Variants in PRKN observed in about 807,000 individuals in gnomAD.
PRKN encodes the protein parkin RBR E3 ubiquitin protein ligase.
In PRKN, 56 loss-of-function variants were observed where a neutral mutation model predicts 59.5. The ratio of observed to expected loss-of-function variants is 0.94; its 90% CI spans 0.76 to 1.18. The LOEUF (loss-of-function observed/expected upper bound fraction) is 1.18, where lower values mean the gene tolerates loss of function less well. Among genes scored for constraint, PRKN ranks in the 50% most tolerant of loss-of-function variants. The pLI, the probability that PRKN is intolerant of heterozygous loss-of-function variation, is 0.00. For missense variants in PRKN, 657 were observed against 596.4 expected (o/e 1.10, Z -1.06); for synonymous variants, 250 against 222.1 (o/e 1.13, Z -1.12).
intron 6 of PRKN, among the ~76,000 whole-genome samples, chr6:161,791,018 T>C (rs3016556): frequency 0.89 from 135,507 of 152,114 alleles, 60,625 homozygotes; most frequent in East Asian, 0.95. Flanking sequence ...CTCTCATGGG[T>C]CTTTTGTTCC....
intron 1 of PRKN, among the ~76,000 whole-genome samples, chr6:162,638,195 TAATA>T (rs1777811192): frequency 1.1e-5 from 1 of 91,580 alleles, no homozygotes; most frequent in African/African-American, 6.1e-5. Flanking sequence ...TGTAAGACAA[TAATA>T]TTATCCCTAT....
At chr6:162,072,363 T>C (rs1778615646) in intron 4 of PRKN, among the ~76,000 whole-genome samples, 1 of 152,174 alleles carries the variant, frequency 6.6e-6, no homozygotes, top group Non-Finnish European at 1.5e-5. Flanking sequence ...CCTCGACTTC[T>C]GAGAGAGCTG....
intron 1 of PRKN, among the ~76,000 whole-genome samples, chr6:162,700,696 T>G (rs1778122248): frequency 1.3e-5 from 2 of 152,114 alleles, no homozygotes; most frequent in African/African-American, 4.8e-5. Flanking sequence ...CTGATAAGCT[T>G]ATGAATCTCT....
At position 161,554,620 on chromosome 6, in the gene PRKN, A is replaced by G. The variant is rs554268653; in HGVS notation, c.934-5617T>C. Among the ~76,000 whole-genome samples the G allele has an allele frequency of 2.0e-4, 30 of 152,050 alleles. No individual in the cohort carries two copies. The highest frequency in any genetic ancestry group is 7.2e-4 in the African/African-American group (30 of 41,506). ...GATAATGAGTTTGGCTGCATAAAAA[A>G]TCTTTATATTATACATAAAAAGAAT... is the stretch of plus-strand genomic sequence containing the variant. On this transcript the variant is annotated intron_variant, in intron 8 of 11. Transcript: ENST00000366898. This position sits in a 1 kb window ranked among gnomAD's most constrained non-coding sequence, Gnocchi z 4.5.
At chr6:162,384,828 T>C (rs1786711813) in intron 2 of PRKN, among the ~76,000 whole-genome samples, 1 of 152,072 alleles carries the variant, frequency 6.6e-6, no homozygotes, top group South Asian at 2.1e-4. Flanking sequence ...AAAGCTGCAA[T>C]GCAGAGAGGA....
chr6:162,258,189 T>C (rs1228304064), intron 3 of PRKN, among the ~76,000 whole-genome samples: 2 of 152,228 alleles, frequency 1.3e-5, no homozygotes, highest in Non-Finnish European at 2.9e-5. Context: ...CCCTTGACTC[T>C]GCTGTTTCTC....
chr6:161,543,109 A>G (rs1779675984), intron 9 of PRKN, among the ~76,000 whole-genome samples: 2 of 152,344 alleles, frequency 1.3e-5, no homozygotes, highest in South Asian at 4.1e-4. Context: ...TTTGGATTTT[A>G]AACTCAATAA....
At chr6:162,672,731 T>C (rs1779381261) in intron 1 of PRKN, among the ~76,000 whole-genome samples, 1 of 151,644 alleles carries the variant, frequency 6.6e-6, no homozygotes, top group African/African-American at 2.4e-5. Context: ...TGCATGTGTA[T>C]AGATATACAG....
chr6:162,084,923 C>T (rs940743758), intron 4 of PRKN, among the ~76,000 whole-genome samples: 1 of 151,590 alleles, frequency 6.6e-6, no homozygotes, highest in African/African-American at 2.4e-5. Flanking sequence ...CAATCAGTAA[C>T]CTGAACTTCA....
rs1789275584 is a variant in PRKN, at chr6:161,442,355, A to AAGTCCT, written c.1084-55484_1084-55479dup. Among the ~76,000 whole-genome samples the AAGTCCT allele has an allele frequency of 6.6e-6, 1 of 152,242 alleles. No homozygotes were observed. The highest frequency in any genetic ancestry group is 6.5e-5 in the Admixed American group (1 of 15,280). On this transcript the variant is annotated intron_variant, in intron 9 of 11. Transcript: ENST00000366898. The surrounding 1 kb of genome is among the most constrained non-coding windows in gnomAD (Gnocchi z 4.6). The stretch of plus-strand genomic sequence containing the variant: ...AAAAATACACCATGAAATGAGTTTA[A>AAGTCCT]AGTCCTTAATCTTGAAGGCTAGATT...
intron 4 of PRKN, among the ~76,000 whole-genome samples, chr6:162,086,478 C>T (rs1347789493): frequency 6.6e-6 from 1 of 152,146 alleles, no homozygotes; most frequent in Non-Finnish European, 1.5e-5. Flanking sequence ...CAAAACGACT[C>T]GCTGTTACCA....
intron 5 of PRKN, among the ~76,000 whole-genome samples, chr6:161,980,400 CTGCATAGCTATT>C (rs1343008892): frequency 6.6e-6 from 1 of 152,190 alleles, no homozygotes; most frequent in African/African-American, 2.4e-5. Context: ...TAACACGTAA[CTGCATAGCTATT>C]TGCATGGCTC....
chr6:162,681,378 G>C (rs1307677182), intron 1 of PRKN, among the ~76,000 whole-genome samples: 1 of 152,154 alleles, frequency 6.6e-6, no homozygotes, highest in Non-Finnish European at 1.5e-5. Flanking sequence ...CAGGAGAATA[G>C]AGTCTGGAGG....
chr6:162,614,312 G>A (rs567393345), intron 1 of PRKN, among the ~76,000 whole-genome samples: 1 of 152,106 alleles, frequency 6.6e-6, no homozygotes, highest in South Asian at 2.1e-4. Flanking sequence ...TCATGAGGGG[G>A]AAGTTTTGTG....
chr6:161,638,978 G>A (rs1002780878), intron 7 of PRKN, among the ~76,000 whole-genome samples: 1 of 152,028 alleles, frequency 6.6e-6, no homozygotes, highest in Non-Finnish European at 1.5e-5. Context: ...CTGACCTCAG[G>A]TAATCCACCT....
chr6:162,378,897 T>C (rs1410678633), intron 2 of PRKN, among the ~76,000 whole-genome samples: 1 of 152,188 alleles, frequency 6.6e-6, no homozygotes, highest in Non-Finnish European at 1.5e-5. Context: ...CTTGGCTGTC[T>C]CTGCAGAGCC....
intron 2 of PRKN, among the ~76,000 whole-genome samples, chr6:162,365,678 C>A (rs1197057176): frequency 1.3e-5 from 2 of 152,146 alleles, no homozygotes; most frequent in Non-Finnish European, 2.9e-5. Context: ...TCCAAGGTTA[C>A]TTCCTTGGTG....
chr6:162,267,586 T>C (rs1223913810), intron 2 of PRKN, among the ~76,000 whole-genome samples: 2 of 152,176 alleles, frequency 1.3e-5, no homozygotes, highest in Non-Finnish European at 2.9e-5. Flanking sequence ...CTTAATACAA[T>C]TCTTTCTTTT....
At chr6:162,706,568 A>G (rs994205903) in intron 1 of PRKN, among the ~76,000 whole-genome samples, 3 of 152,228 alleles carry the variant, frequency 2.0e-5, no homozygotes, top group Non-Finnish European at 4.4e-5. Context: ...GTCCAAGTGC[A>G]TAAGCTTCCT....
Sources: gnomAD v4.1 joint callset for allele counts (sites outside exome capture counted in the v4.1 genomes callset) on GRCh38, gnomAD v4.1.1 for gene constraint, Gnocchi (gnomAD v3.1) non-coding constraint, MANE v1.5 for transcripts, NCBI Gene and HGNC (gene_info 2026-07-23, HGNC 2026-07-21) for gene names.